Variants in NAV3 observed in about 807,000 individuals in gnomAD.
The protein encoded by NAV3 is neuron navigator 3.
NAV3 carries 87 observed loss-of-function variants against 244.7 expected under a neutral mutation model. The observed-to-expected ratio is 0.36, with a 90% confidence interval of 0.30 to 0.42. NAV3 has a LOEUF of 0.42. Among genes scored for constraint, NAV3 ranks in the 20% least tolerant of loss-of-function variants. The pLI is 1.00. For synonymous variants in NAV3, 1,126 were observed against 1,042.2 expected (o/e 1.08, Z -1.55); for missense variants, 2,663 against 2,893.3 (o/e 0.92, Z 1.83).
At chr12:78,002,867 A>G (rs1873542776) in intron 7 of NAV3, among the ~76,000 whole-genome samples, 1 of 151,962 alleles carries the variant, frequency 6.6e-6, no homozygotes. Flanking sequence ...CTATGTATAT[A>G]TCAATTTATA....
rs553375482 is a variant in NAV3 at position 77,639,586 on chromosome 12, G to A, written c.72+67320G>A. 2.0e-5 allele frequency among the ~76,000 whole-genome samples: 3 copies of A among 152,262 alleles called. No homozygotes were observed. In the East Asian group the frequency reaches 5.8e-4, roughly 29 times the overall value. On this transcript the variant is annotated intron_variant, in intron 2 of 8. Coordinates refer to the NAV3 transcript ENST00000550042. ...GCTCATGCTGCAAAGTTGATGTGAA[G>A]GAGAATAATTAAGGTACACACATTT...
At chr12:77,694,422 G>C (rs1875194166) in intron 2 of NAV3, among the ~76,000 whole-genome samples, 1 of 151,126 alleles carries the variant, frequency 6.6e-6, no homozygotes, top group Non-Finnish European at 1.5e-5. Flanking sequence ...GCAGTGAGCT[G>C]AGATCACACC....
intron 2 of NAV3, among the ~76,000 whole-genome samples, chr12:77,766,734 A>ATTTTTTTTTTTTTTTTT (rs1565805085): frequency 3.7e-5 from 2 of 53,344 alleles, no homozygotes; most frequent in African/African-American, 1.0e-4. Context: ...CAGGCAATTA[A>ATTTTTTTTTTTTTTTTT]GTTTTTTTTT....
chr12:77,824,340 G>A (rs999458946), intron 2 of NAV3, among the ~76,000 whole-genome samples: 1 of 141,128 alleles, frequency 7.1e-6, no homozygotes, highest in Non-Finnish European at 1.5e-5. Context: ...CAATCCATCC[G>A]CCTTGGCCTC....
chr12:77,644,838 C>T (rs886162073), intron 2 of NAV3, among the ~76,000 whole-genome samples: 2 of 151,844 alleles, frequency 1.3e-5, no homozygotes, highest in African/African-American at 4.8e-5. Flanking sequence ...ACAAACAAAG[C>T]AACAAAAAAG....
chr12:77,666,030 T>G (rs1349478940), intron 2 of NAV3, among the ~76,000 whole-genome samples: 1 of 152,188 alleles, frequency 6.6e-6, no homozygotes, highest in Non-Finnish European at 1.5e-5. Context: ...TATGTAATTA[T>G]GACTTTAATT....
At chr12:77,875,239 G>A (rs980011493) in intron 1 of NAV3, among the ~76,000 whole-genome samples, 2 of 151,956 alleles carry the variant, frequency 1.3e-5, no homozygotes, top group Non-Finnish European at 2.9e-5. Context: ...GGTGTCCTCA[G>A]GGCCTTTGCA....
intron 1 of NAV3, among the ~76,000 whole-genome samples, chr12:77,837,611 T>G (rs1477901595): frequency 1.3e-5 from 2 of 152,188 alleles, no homozygotes; most frequent in Non-Finnish European, 2.9e-5. Context: ...GAATAGAGAT[T>G]CAGACTAAGG....
At chr12:77,725,557 C>T (rs1413171048) in intron 2 of NAV3, among the ~76,000 whole-genome samples, 2 of 150,888 alleles carry the variant, frequency 1.3e-5, no homozygotes, top group Non-Finnish European at 3.0e-5. Flanking sequence ...GCAAACTATA[C>T]TGGTAAAATA....
At chr12:77,943,704 T>C (rs1769802989) in intron 3 of NAV3, among the ~76,000 whole-genome samples, 2 of 152,216 alleles carry the variant, frequency 1.3e-5, no homozygotes, top group Non-Finnish European at 2.9e-5. Flanking sequence ...GCTACATTAG[T>C]AAGAGTGAGT....
chr12:77,588,032 A>T (rs1444414890), intron 2 of NAV3, among the ~76,000 whole-genome samples: 1 of 152,180 alleles, frequency 6.6e-6, no homozygotes, highest in African/African-American at 2.4e-5. Flanking sequence ...CAATTTCCAT[A>T]TGTATTTTAA....
intron 2 of NAV3, among the ~76,000 whole-genome samples, chr12:77,811,331 A>C (rs1872276520): frequency 6.6e-6 from 1 of 152,182 alleles, no homozygotes; most frequent in East Asian, 1.9e-4. Context: ...CAGAACCCTA[A>C]AATCTAGTTG....
rs1002837419 is a variant in NAV3, at chr12:78,144,192, T to C, written c.4684-2177T>C. On this transcript the variant is annotated intron_variant, in intron 20 of 39. Transcript: ENST00000397909. ...TTGTATTTTTTCATGAGAGCAAGTG[T>C]CATTTTTGATTCATTGTGGATTGTT... Among the ~76,000 whole-genome samples the C allele has an allele frequency of 3.9e-5, 6 of 152,292 alleles. 2 individuals carry two copies. The highest frequency in any genetic ancestry group is 3.9e-4 in the Admixed American group (6 of 15,280).
At chr12:77,860,385 G>A (rs1328455264) in intron 1 of NAV3, among the ~76,000 whole-genome samples, 1 of 150,568 alleles carries the variant, frequency 6.6e-6, no homozygotes, top group Non-Finnish European at 1.5e-5. Context: ...GTATACAAAA[G>A]TGAAGTATAT....
intron 2 of NAV3, among the ~76,000 whole-genome samples, chr12:77,739,624 T>G (rs1419785626): frequency 6.6e-6 from 1 of 152,198 alleles, no homozygotes; most frequent in Non-Finnish European, 1.5e-5. Flanking sequence ...AAATTGTACC[T>G]TACTGATTTA....
At chr12:77,871,449 C>T (rs1197288777) in intron 1 of NAV3, among the ~76,000 whole-genome samples, 2 of 152,110 alleles carry the variant, frequency 1.3e-5, no homozygotes, top group Non-Finnish European at 2.9e-5. Context: ...ATCCCCATCC[C>T]CCAACAGGCC....
At chr12:78,122,451 A>G (rs757864380) in intron 16 of NAV3, 23 bp downstream of exon 16, 3 of 1,555,020 alleles carry the variant, frequency 1.9e-6, no homozygotes, top group Non-Finnish European at 2.6e-6. Flanking sequence ...GGAGGCATTG[A>G]TAACATCTTC....
At chr12:77,708,368 A>G (rs1592603846) in intron 2 of NAV3, among the ~76,000 whole-genome samples, 2 of 152,278 alleles carry the variant, frequency 1.3e-5, no homozygotes, top group South Asian at 4.1e-4. Context: ...AGATGGTTGT[A>G]GATGTGTGGT....
chr12:78,037,517 T>G (rs566449978), intron 9 of NAV3: 759 of 592,144 alleles, frequency 1.3e-3, no homozygotes, highest in Admixed American at 3.7e-3. Context: ...TAGTTACATT[T>G]TAAATTCCTG....
Sources: allele counts gnomAD v4.1 joint callset (sites outside exome capture counted in the v4.1 genomes callset), GRCh38; gene constraint gnomAD v4.1.1; transcripts MANE v1.5; gene names NCBI Gene and HGNC (gene_info 2026-07-23, HGNC 2026-07-21).